RASA3: variants seen among roughly 807,000 people sequenced by gnomAD.
RASA3 encodes the protein ras GTPase-activating protein 3.
Under a neutral mutation model 110.0 loss-of-function variants are expected in RASA3, and 73 were observed. That is an observed-to-expected ratio of 0.66 (90% CI 0.55 to 0.81). RASA3 has a LOEUF of 0.81. Ranked by LOEUF, RASA3 falls within the 30% of genes least tolerant of loss-of-function variation. RASA3 has a pLI of 0.00. For missense variants in RASA3, 976 were observed against 1,113.2 expected, an observed-to-expected ratio of 0.88 and a Z score of 1.75; for synonymous variants, 500 against 451.4, an observed-to-expected ratio of 1.11 and a Z score of -1.37.
chr13:113,992,141 G>A (rs2053133689), intron 22 of RASA3, among the ~76,000 whole-genome samples: 1 of 152,142 alleles, frequency 6.6e-6, no homozygotes, highest in African/African-American at 2.4e-5. Context: ...CCGCACACAT[G>A]CAAGCACACT....
At chr13:114,119,909 C>T (rs547638180) in intron 1 of RASA3, among the ~76,000 whole-genome samples, 12 of 33,824 alleles carry the variant, frequency 3.5e-4, no homozygotes, top group South Asian at 1.5e-3. Flanking sequence ...GCCCCCCTCC[C>T]CTCTCCAGCC....
At chr13:114,109,071 C>T (rs1329059189) in intron 1 of RASA3, among the ~76,000 whole-genome samples, 1 of 152,208 alleles carries the variant, frequency 6.6e-6, no homozygotes, top group Non-Finnish European at 1.5e-5. Flanking sequence ...CCCAGGGGTA[C>T]TCAGAGGGAG....
At chr13:114,092,185 G>C (rs2079897154) in intron 1 of RASA3, among the ~76,000 whole-genome samples, 1 of 151,414 alleles carries the variant, frequency 6.6e-6, no homozygotes, top group Non-Finnish European at 1.5e-5. Context: ...TCGGATCTTT[G>C]TTATTTCTTT....
intron 3 of RASA3, among the ~76,000 whole-genome samples, chr13:114,050,579 T>C (rs1020984189): frequency 2.6e-5 from 4 of 152,208 alleles, no homozygotes; most frequent in Non-Finnish European, 4.4e-5. Flanking sequence ...GGTGAGGCCC[T>C]GCCCGGCCCC....
At chr13:114,019,456 G>T (rs2053867597) in intron 9 of RASA3, among the ~76,000 whole-genome samples, 1 of 152,242 alleles carries the variant, frequency 6.6e-6, no homozygotes, top group Non-Finnish European at 1.5e-5. Context: ...TCATTTGTGG[G>T]CCAGGCAGTC....
intron 12 of RASA3, 22 bp downstream of exon 12, chr13:114,017,215 G>A (rs369050802): frequency 6.3e-7 from 1 of 1,595,516 alleles, no homozygotes; most frequent in Non-Finnish European, 8.6e-7. Flanking sequence ...GTGAGGCTGA[G>A]GACTCTCGGC....
chr13:113,992,625 CTTAT>C lies in RASA3; in HGVS notation c.2142-41_2142-38del, dbSNP rs775322711. On this transcript the variant is annotated intron_variant, in intron 21 of 23. Coordinates refer to ENST00000334062, the MANE Select transcript of RASA3 (RefSeq NM_007368.4). ...CAGCAAGAACAGAAAGATAAAAACA[CTTAT>C]TTAAACGATGCTTTTAATAATGACA... 3.0e-5 allele frequency: 43 copies of C among 1,423,702 alleles called. No individual in the cohort carries two copies. In the African/African-American group the frequency reaches 5.5e-4, roughly 18 times the overall value. 88.2% of individuals were successfully genotyped at this position (1,423,702 alleles called of 1,614,324 possible).
chr13:114,071,841 C>T lies in RASA3; in HGVS notation c.173+1879G>A, dbSNP rs2079577877. Among the ~76,000 whole-genome samples, 4 of 152,326 alleles carry T rather than the reference C, an allele frequency of 2.6e-5. 1 individual carries two copies. The South Asian group carries it at 8.3e-4, about 32-fold the overall frequency. ...CCCTCACAGTTTTCTAGTAAGTAAA[C>T]TCACCCAGTCATCAGCATGGGTTGT... is the stretch of plus-strand genomic sequence containing the variant. On this transcript the variant is annotated intron_variant, in intron 2 of 23. Coordinates refer to ENST00000334062, the MANE Select transcript of RASA3 (RefSeq NM_007368.4).
chr13:113,992,179 A>T (rs1293999007), intron 22 of RASA3, among the ~76,000 whole-genome samples: 1 of 152,254 alleles, frequency 6.6e-6, no homozygotes, highest in African/African-American at 2.4e-5. Context: ...ACATGCACTT[A>T]TCCCTCTGGA....
At chr13:114,034,972 C>A (rs1004983937) in intron 4 of RASA3, among the ~76,000 whole-genome samples, 2 of 150,084 alleles carry the variant, frequency 1.3e-5, no homozygotes, top group African/African-American at 4.9e-5. Flanking sequence ...GAACGCTGAC[C>A]TGAGCTTAGA....
At chr13:114,097,310 T>C (rs931163599) in intron 1 of RASA3, among the ~76,000 whole-genome samples, 19 of 152,314 alleles carry the variant, frequency 1.2e-4, no homozygotes, top group East Asian at 3.9e-4. Flanking sequence ...CAGTGTGTCC[T>C]GAAAAGCCGC....
In RASA3 at chr13:114,021,475, A is replaced by G. The variant is rs756141886; in HGVS notation, c.714T>C (p.Phe238=). The part of the protein sequence containing the change: ...VDLWNASNLK[F]GDEFLGELRI... ...TTAGTTCTCCCAGGAATTCATCTCC[A>G]AACTTCAGGTTACTGGCATTCCAGA... Residue 238 remains phenylalanine, a synonymous_variant, in exon 9 of 24, where the codon TTT becomes TTC. Coordinates refer to ENST00000334062, the MANE Select transcript of RASA3 (RefSeq NM_007368.4). The G allele has an allele frequency of 1.2e-6, 2 of 1,614,004 alleles. No homozygotes were observed. The highest frequency in any genetic ancestry group is 4.5e-5 in the East Asian group (2 of 44,878).
intron 1 of RASA3, among the ~76,000 whole-genome samples, chr13:114,077,517 C>G (rs1328657312): frequency 6.8e-5 from 10 of 147,814 alleles, no homozygotes; most frequent in South Asian, 2.2e-4. Flanking sequence ...CTGGCACCAA[C>G]GCACCGGATT....
intron 2 of RASA3, among the ~76,000 whole-genome samples, chr13:114,073,184 C>T (rs1004523086): frequency 3.3e-5 from 5 of 150,832 alleles, no homozygotes; most frequent in Non-Finnish European, 5.9e-5. Flanking sequence ...ATTCCCTACA[C>T]GCAGGAAAAC....
At chr13:113,995,468 G>C (rs1227659563) in intron 21 of RASA3, among the ~76,000 whole-genome samples, 2 of 152,274 alleles carry the variant, frequency 1.3e-5, no homozygotes, top group African/African-American at 4.8e-5. Context: ...TTATGCGAAA[G>C]CATCACGTGG....
chr13:114,049,973 TGGGCATGGCA>T (rs1168097667), intron 3 of RASA3, among the ~76,000 whole-genome samples: 1 of 151,860 alleles, frequency 6.6e-6, no homozygotes. Context: ...GTCCCAGAGG[TGGGCATGGCA>T]GGACATGGGG....
At chr13:114,079,388 C>T (rs530669172) in intron 1 of RASA3, among the ~76,000 whole-genome samples, 14 of 152,300 alleles carry the variant, frequency 9.2e-5, no homozygotes, top group African/African-American at 1.9e-4. Context: ...GGAGACCCTG[C>T]GGGAGAATTG....
At chr13:114,099,022 TCGGGGCCCGGC>T (rs2079986035) in intron 1 of RASA3, among the ~76,000 whole-genome samples, 1 of 35,044 alleles carries the variant, frequency 2.9e-5, no homozygotes, top group Admixed American at 2.4e-4. Context: ...ACCACAGCAG[TCGGGGCCCGGC>T]CACCCGAGCC....
chr13:114,047,454 G>C (rs1349185031), intron 3 of RASA3, among the ~76,000 whole-genome samples: 1 of 152,242 alleles, frequency 6.6e-6, no homozygotes, highest in Non-Finnish European at 1.5e-5. Context: ...CTGCTGGAGA[G>C]AAGGCAGACT....
Sources: allele counts gnomAD v4.1 joint callset (sites outside exome capture counted in the v4.1 genomes callset), GRCh38; gene constraint gnomAD v4.1.1; transcripts MANE v1.5; gene names NCBI Gene and HGNC (gene_info 2026-07-23, HGNC 2026-07-21).